Variants in LARGE1 observed in about 807,000 individuals in gnomAD.
LARGE1 encodes LARGE xylosyl- and glucuronyltransferase 1, also known as xylosyl- and glucuronyltransferase LARGE1.
LARGE1 carries 43 observed loss-of-function variants against 87.6 expected under a neutral mutation model. The ratio of observed to expected loss-of-function variants is 0.49; its 90% confidence interval spans 0.38 to 0.63. The LOEUF is 0.63. LARGE1 is among the 30% of genes least tolerant of loss of function. The pLI is 0.00. For missense variants in LARGE1, 802 were observed against 1,000.2 expected (o/e 0.80, Z 2.67); for synonymous variants, 434 against 394.6 (o/e 1.10, Z -1.18).
intron 1 of LARGE1, among the ~76,000 whole-genome samples, chr22:33,868,266 C>G (rs1031281015): frequency 6.6e-6 from 1 of 152,136 alleles, no homozygotes; most frequent in Non-Finnish European, 1.5e-5. Flanking sequence ...CCGGCCTCGT[C>G]GGAAGCAGAA....
chr22:33,415,833 G>C (rs2066467390), intron 7 of LARGE1, among the ~76,000 whole-genome samples: 1 of 152,140 alleles, frequency 6.6e-6, no homozygotes, highest in African/African-American at 2.4e-5. Context: ...TGGTGGGTGA[G>C]GGCGGTTTCT....
chr22:33,788,747 A>G (rs955998199), intron 1 of LARGE1, among the ~76,000 whole-genome samples: 1 of 152,158 alleles, frequency 6.6e-6, no homozygotes, highest in Non-Finnish European at 1.5e-5. Flanking sequence ...AACTTGAGAG[A>G]GAAGATTGAG....
chr22:33,341,938 G>A (rs140694450), intron 9 of LARGE1, among the ~76,000 whole-genome samples: 5 of 152,288 alleles, frequency 3.3e-5, no homozygotes, highest in Admixed American at 6.5e-5. Flanking sequence ...CCTTCCTGCC[G>A]CCATCAGTCA....
At chr22:33,843,431 C>T (rs140314285) in intron 1 of LARGE1, among the ~76,000 whole-genome samples, 2,515 of 111,274 alleles carry the variant, frequency 0.023, 33 homozygotes, top group Middle Eastern at 0.063. Flanking sequence ...AGCAAGACTC[C>T]CTCTCAAAAA....
At position 33,511,082 on chromosome 22, in the gene LARGE1, G is replaced by A. The variant is rs192178342; in HGVS notation, c.787+53766C>T. 2.7e-3 allele frequency among the ~76,000 whole-genome samples: 410 copies of A among 152,308 alleles called. 2 individuals carry two copies. Among genetic ancestry groups the A allele is most frequent in the African/African-American group, 9.5e-3 (393 of 41,568 alleles). On this transcript the variant is annotated intron_variant, in intron 6 of 14. Coordinates refer to ENST00000397394, the MANE Select transcript of LARGE1 (RefSeq NM_133642.5). The stretch of plus-strand genomic sequence containing the variant: ...GATTTTCTTCCTGTTTTACTGATGG[G>A]CCATTAAATGACTGATGAGACCAAA...
chr22:33,422,684 T>C (rs2147598548), intron 7 of LARGE1, among the ~76,000 whole-genome samples: 1 of 152,242 alleles, frequency 6.6e-6, no homozygotes, highest in Non-Finnish European at 1.5e-5. Context: ...TAATTTTTTG[T>C]ATCTTTAGTA....
At position 33,682,133 on chromosome 22, in the gene LARGE1, C is replaced by T. The variant is rs910182132; in HGVS notation, c.107-31465G>A. On this transcript the variant is annotated intron_variant, in intron 2 of 14. Coordinates refer to ENST00000397394, the MANE Select transcript of LARGE1 (RefSeq NM_133642.5). ...AACACAGCATCACCTGACACGTTAA[C>T]GTGCTCATAACTTAAACTTTGTTAG... Among the ~76,000 whole-genome samples, 17 of 152,222 alleles carry T rather than the reference C, an allele frequency of 1.1e-4. 1 individual carries two copies. Among genetic ancestry groups the T allele is most frequent in the South Asian group, 4.1e-4 (2 of 4,832 alleles).
At chr22:33,361,752 T>C (rs1281804350) in intron 9 of LARGE1, among the ~76,000 whole-genome samples, 2 of 149,674 alleles carry the variant, frequency 1.3e-5, no homozygotes, top group Admixed American at 1.3e-4. Context: ...GAGTCCCTCC[T>C]CTTTAGAGTC....
chr22:33,870,275 C>T (rs2064235530), intron 1 of LARGE1, among the ~76,000 whole-genome samples: 1 of 152,100 alleles, frequency 6.6e-6, no homozygotes, highest in Non-Finnish European at 1.5e-5. Context: ...CATGGCCCTG[C>T]CAACACAAAA....
intron 6 of LARGE1, among the ~76,000 whole-genome samples, chr22:33,533,640 A>G (rs2076958877): frequency 6.6e-6 from 1 of 152,196 alleles, no homozygotes; most frequent in Non-Finnish European, 1.5e-5. Context: ...CAGCAACTGC[A>G]CTCAATAAAT....
chr22:33,426,795 C>G (rs1185229064), intron 7 of LARGE1, among the ~76,000 whole-genome samples: 1 of 152,166 alleles, frequency 6.6e-6, no homozygotes, highest in Non-Finnish European at 1.5e-5. Flanking sequence ...TGTCTCTGCC[C>G]TAATTTGGGG....
chr22:33,687,153 CTTTTT>C (rs958730572), intron 2 of LARGE1, among the ~76,000 whole-genome samples: 1 of 139,378 alleles, frequency 7.2e-6, no homozygotes, highest in African/African-American at 2.6e-5. Flanking sequence ...CCACCTCTTC[CTTTTT>C]TTTTTTTTTT....
At chr22:33,816,829 C>A (rs975468462) in intron 1 of LARGE1, among the ~76,000 whole-genome samples, 2 of 152,062 alleles carry the variant, frequency 1.3e-5, no homozygotes, top group Non-Finnish European at 2.9e-5. Context: ...CTTTTCACAA[C>A]GCAGTGTTCA....
chr22:33,522,827 T>TAAGAAAAA (rs2071678276), intron 6 of LARGE1, among the ~76,000 whole-genome samples: 1 of 141,442 alleles, frequency 7.1e-6, no homozygotes, highest in African/African-American at 2.6e-5. Context: ...AGACTCTATC[T>TAAGAAAAA]AAAAAAAAGA....
At chr22:33,651,207 C>T (rs571805392) in intron 2 of LARGE1, among the ~76,000 whole-genome samples, 1 of 53,516 alleles carries the variant, frequency 1.9e-5, no homozygotes, top group Admixed American at 1.4e-4. Context: ...CGGTGAAACC[C>T]GGTCTCTACT....
chr22:33,233,249 G>A (rs1170959102), intron 11 of LARGE1, among the ~76,000 whole-genome samples: 1 of 152,072 alleles, frequency 6.6e-6, no homozygotes, highest in Non-Finnish European at 1.5e-5. Context: ...TCTAAGTCAG[G>A]TTGTTAGCAG....
At chr22:33,196,359 TATC>T in intron 11 of LARGE1, among the ~76,000 whole-genome samples, 1 of 152,100 alleles carries the variant, frequency 6.6e-6, no homozygotes, top group East Asian at 1.9e-4. Context: ...ATGAAGCAAA[TATC>T]ATGAACAACT....
intron 6 of LARGE1, among the ~76,000 whole-genome samples, chr22:33,485,359 A>T (rs569607076): frequency 3.3e-5 from 5 of 151,876 alleles, no homozygotes; most frequent in African/African-American, 1.2e-4. Context: ...GATTACAGGC[A>T]CGGGCCACCA....
intron 6 of LARGE1, among the ~76,000 whole-genome samples, chr22:33,491,453 C>T (rs2069838171): frequency 6.6e-6 from 1 of 152,134 alleles, no homozygotes; most frequent in Admixed American, 6.5e-5. Flanking sequence ...ACGCATTTTC[C>T]CAACTGAGCT....
Sources: allele counts gnomAD v4.1 joint callset (sites outside exome capture counted in the v4.1 genomes callset), GRCh38; gene constraint gnomAD v4.1.1; transcripts MANE v1.5; gene names NCBI Gene and HGNC (gene_info 2026-07-23, HGNC 2026-07-21).